The following CDH4 variants were observed in gnomAD, a reference collection of about 807,000 sequenced individuals.
The protein encoded by CDH4 is cadherin 4, also known as cadherin-4.
CDH4 carries 33 observed loss-of-function variants against 86.0 expected under a neutral mutation model. That is an observed-to-expected ratio of 0.38 (90% CI 0.29 to 0.51). The LOEUF is 0.51. Ranked by LOEUF, CDH4 falls within the 20% of genes least tolerant of loss-of-function variation. CDH4 has a pLI of 0.86. For missense variants in CDH4, 1,114 were observed against 1,307.4 expected (o/e 0.85, Z 2.28); for synonymous variants, 555 against 549.4 (o/e 1.01, Z -0.14).
At chr20:61,603,722 C>T (rs1388177132) in intron 2 of CDH4, among the ~76,000 whole-genome samples, 1 of 152,194 alleles carries the variant, frequency 6.6e-6, no homozygotes, top group Non-Finnish European at 1.5e-5. Flanking sequence ...CCAGTGGAGG[C>T]TTCCTGGAAG....
At chr20:61,828,315 C>A (rs1296663700) in intron 4 of CDH4, among the ~76,000 whole-genome samples, 1 of 152,166 alleles carries the variant, frequency 6.6e-6, no homozygotes, top group Non-Finnish European at 1.5e-5. Context: ...TTTGCCTCCC[C>A]CCATTACACA....
intron 2 of CDH4, among the ~76,000 whole-genome samples, chr20:61,473,930 T>A (rs2085520322): frequency 6.6e-6 from 1 of 152,124 alleles, no homozygotes; most frequent in Non-Finnish European, 1.5e-5. Context: ...CAGGTATAAA[T>A]CTTGTTTCCT....
intron 4 of CDH4, among the ~76,000 whole-genome samples, chr20:61,818,396 G>T (rs753951863): frequency 6.6e-6 from 1 of 152,158 alleles, no homozygotes; most frequent in Non-Finnish European, 1.5e-5. Flanking sequence ...TGGGAACTTG[G>T]CTGGGTGTGG....
chr20:61,391,693 C>T (rs1451458136), intron 2 of CDH4, among the ~76,000 whole-genome samples: 1 of 152,188 alleles, frequency 6.6e-6, no homozygotes, highest in Non-Finnish European at 1.5e-5. Flanking sequence ...GGAATGTGAG[C>T]AGAACGATCC....
chr20:61,834,327 C>G (rs1174823717), intron 4 of CDH4, among the ~76,000 whole-genome samples: 1 of 152,212 alleles, frequency 6.6e-6, no homozygotes, highest in Non-Finnish European at 1.5e-5. Context: ...GGCCTGGGGT[C>G]TGGGGTCTGG....
rs1217901368 is a variant in CDH4 at position 61,383,432 on chromosome 20, CAT to C, written c.169+128500_169+128501del. On this transcript the variant is annotated intron_variant, in intron 2 of 15. Coordinates refer to ENST00000614565, the MANE Select transcript of CDH4 (RefSeq NM_001794.5). ...TATATATGATATATATGATATATAT[CAT>C]ATATGAATATATATTCATATATATG... Among the ~76,000 whole-genome samples, 11 of 58,720 alleles carry C rather than the reference CAT, an allele frequency of 1.9e-4. 2 individuals are homozygous for C. Among genetic ancestry groups the C allele is most frequent in the African/African-American group, 7.6e-4 (9 of 11,824 alleles). The allele number at this position is 58,720 out of a possible 152,430, so 38.5% of individuals were successfully genotyped here. A position where few individuals can be genotyped will look rare whatever the true frequency, so the allele number is the denominator to read the frequency against.
intron 2 of CDH4, among the ~76,000 whole-genome samples, chr20:61,631,742 C>A (rs949963983): frequency 6.6e-6 from 1 of 152,266 alleles, no homozygotes; most frequent in East Asian, 1.9e-4. Context: ...GAGGAGCACC[C>A]TCTTGGCTGG....
intron 2 of CDH4, among the ~76,000 whole-genome samples, chr20:61,716,658 C>G (rs1266600693): frequency 6.6e-6 from 1 of 152,194 alleles, no homozygotes; most frequent in Non-Finnish European, 1.5e-5. Flanking sequence ...CCTGTAATCC[C>G]AGCACTTTGG....
At chr20:61,291,867 A>G (rs2084323364) in intron 2 of CDH4, among the ~76,000 whole-genome samples, 1 of 152,174 alleles carries the variant, frequency 6.6e-6, no homozygotes, top group African/African-American at 2.4e-5. Flanking sequence ...GATACCCAAT[A>G]GTTGTCTTTC....
At chr20:61,336,956 A>G (rs1285651376) in intron 2 of CDH4, among the ~76,000 whole-genome samples, 1 of 152,188 alleles carries the variant, frequency 6.6e-6, no homozygotes, top group Non-Finnish European at 1.5e-5. Context: ...GATTCTGGCT[A>G]TCAGGCAGAG....
At chr20:61,643,947 T>C (rs1390670648) in intron 2 of CDH4, among the ~76,000 whole-genome samples, 1 of 152,240 alleles carries the variant, frequency 6.6e-6, no homozygotes, top group Non-Finnish European at 1.5e-5. Flanking sequence ...GGGAGAATTT[T>C]GCTAGAAGGG....
At chr20:61,759,957 C>T (rs1471213634) in intron 3 of CDH4, among the ~76,000 whole-genome samples, 2 of 152,170 alleles carry the variant, frequency 1.3e-5, no homozygotes, top group Non-Finnish European at 2.9e-5. Flanking sequence ...GGGTGCAGCC[C>T]GGCCAGGACC....
chr20:61,660,004 G>A (rs1208516356), intron 2 of CDH4, among the ~76,000 whole-genome samples: 2 of 152,316 alleles, frequency 1.3e-5, no homozygotes, highest in African/African-American at 4.8e-5. Context: ...TGCTGAGCAG[G>A]GTTCTGGACT....
chr20:61,843,151 G>T (rs1031266356), intron 4 of CDH4, among the ~76,000 whole-genome samples: 1 of 151,280 alleles, frequency 6.6e-6, no homozygotes. Flanking sequence ...TGGGAGGATC[G>T]CTTAAAGCCA....
chr20:61,553,396 A>T (rs7274761), intron 2 of CDH4, among the ~76,000 whole-genome samples: 95 of 152,324 alleles, frequency 6.2e-4, no homozygotes, highest in African/African-American at 2.1e-3. Flanking sequence ...ACTAACATAC[A>T]TTGAATTATC....
intron 8 of CDH4, among the ~76,000 whole-genome samples, chr20:61,904,659 C>T (rs941579767): frequency 1.3e-5 from 2 of 152,338 alleles, no homozygotes; most frequent in Admixed American, 6.5e-5. Context: ...TCCTGAAGAA[C>T]GGGCTCCCTC....
At chr20:61,383,182 AATATATATGAATATATTTATAT>A (rs1568822225) in intron 2 of CDH4, among the ~76,000 whole-genome samples, 3 of 103,082 alleles carry the variant, frequency 2.9e-5, no homozygotes, top group Non-Finnish European at 5.4e-5. Flanking sequence ...TATATTTATG[AATATATATGAATATATTTATAT>A]ATGAATATAT....
chr20:61,843,426 C>T (rs916207680), intron 4 of CDH4, among the ~76,000 whole-genome samples: 3 of 137,862 alleles, frequency 2.2e-5, no homozygotes, highest in African/African-American at 8.3e-5. Flanking sequence ...GTCCGCAGTC[C>T]GGCCTGGGCG....
chr20:61,425,783 G>C (rs1445840244), intron 2 of CDH4, among the ~76,000 whole-genome samples: 2 of 147,612 alleles, frequency 1.4e-5, no homozygotes, highest in Non-Finnish European at 3.0e-5. Flanking sequence ...CCCAGGGCAG[G>C]ATGGCCAATT....
Sources: allele counts gnomAD v4.1 joint callset (sites outside exome capture counted in the v4.1 genomes callset), GRCh38; gene constraint gnomAD v4.1.1; transcripts MANE v1.5; gene names NCBI Gene and HGNC (gene_info 2026-07-23, HGNC 2026-07-21).